DDX56: variants seen among roughly 807,000 people sequenced by gnomAD.
DDX56 encodes the protein probable ATP-dependent RNA helicase DDX56.
A neutral mutation model predicts 61.5 loss-of-function variants in DDX56; 45 were observed. The ratio of observed to expected loss-of-function variants is 0.73; its 90% CI spans 0.58 to 0.94. DDX56 has a LOEUF of 0.94. Among genes scored for constraint, DDX56 ranks in the 40% least tolerant of loss-of-function variants. The pLI is 0.00. For missense variants in DDX56, 708 were observed against 690.7 expected (o/e 1.02, Z -0.28); for synonymous variants, 273 against 268.3 (o/e 1.02, Z -0.17).
intron 13 of DDX56, 40 bp downstream of exon 13, chr7:44,566,408 G>C (rs756657696): frequency 2.6e-5 from 38 of 1,483,260 alleles, no homozygotes; most frequent in Non-Finnish European, 9.2e-7. Context: ...AGCAGGTTGG[G>C]AGGAGTCCTG....
intron 6 of DDX56, among the ~76,000 whole-genome samples, chr7:44,571,103 A>G (rs986390044): frequency 4.6e-5 from 7 of 152,208 alleles, no homozygotes; most frequent in Non-Finnish European, 1.0e-4. Context: ...CAATGGCACG[A>G]TCTTGGCTCA....
intron 9 of DDX56, 87 bp from the exon 10 acceptor site, chr7:44,569,290 G>C (rs1175304027): frequency 7.6e-7 from 1 of 1,324,142 alleles, no homozygotes; most frequent in Non-Finnish European, 1.1e-6. Context: ...TCCCCCTTGG[G>C]GGAAAGCAGC....
chr7:44,568,041 A>T, intron 12 of DDX56, 77 bp downstream of exon 12: 1 of 1,183,768 alleles, frequency 8.4e-7, no homozygotes. Context: ...CACCAAGCAC[A>T]GGGGCTGACC....
intron 5 of DDX56, 128 bp downstream of exon 5, chr7:44,572,219 G>A (rs1277364653): frequency 2.7e-6 from 2 of 727,334 alleles, no homozygotes; most frequent in Non-Finnish European, 4.7e-6. Context: ...AGTGCCTCAG[G>A]ACCAGGGATG....
chr7:44,566,218 G>C (rs1225438083), intron 13 of DDX56, 139 bp from the exon 14 acceptor site: 1 of 675,160 alleles, frequency 1.5e-6, no homozygotes, highest in Non-Finnish European at 2.5e-6. Context: ...TGCAGATAAG[G>C]AAATGGGGAA....
chr7:44,573,242 A>G (rs1263275031), intron 2 of DDX56, among the ~76,000 whole-genome samples, 192 bp from the exon 3 acceptor site: 1 of 152,248 alleles, frequency 6.6e-6, no homozygotes, highest in Non-Finnish European at 1.5e-5. Context: ...CAAAAAGAAT[A>G]ACGTACTCTG....
chr7:44,570,624 G>T, intron 7 of DDX56, 134 bp downstream of exon 7: 1 of 1,209,242 alleles, frequency 8.3e-7, no homozygotes, highest in Non-Finnish European at 1.1e-6. Flanking sequence ...GAACCTGTGG[G>T]GCTCTCTGGG....
rs1474497320 is a variant in DDX56, at chr7:44,573,052, T to G, written c.223-2A>C. On this transcript the variant is annotated splice_acceptor_variant, in intron 2 of 13. Transcript: ENST00000258772. LOFTEE classifies it high-confidence loss of function. ...TGCCTGTTCTACCACCGGACCTGTC[T>G]GTAAGAATATGAATTAAAGACTTTA... 1 of 1,563,328 alleles carries G rather than the reference T, an allele frequency of 6.4e-7. No homozygotes were observed. Among genetic ancestry groups the G allele is most frequent in the South Asian group, 1.2e-5 (1 of 83,326 alleles).
chr7:44,568,965 C>A lies in DDX56; in HGVS notation c.1321G>T (p.Ala441Ser), dbSNP rs1802605773. 6.2e-7 allele frequency: 1 copy of A among 1,614,164 alleles called. No homozygotes were observed. The highest frequency in any genetic ancestry group is 2.2e-5 in the East Asian group (1 of 44,852). ...TCCTTCAATCTTGCCTCCCGAATGGCCTGCTTAGTCACTGAGCGCATGGCA... is the reference window on the plus strand; with the variant it reads ...TCCTTCAATCTTGCCTCCCGAATGGACTGCTTAGTCACTGAGCGCATGGCA... Reference protein sequence around the residue: ...RDAMRSVTKQAIREARLKEIK... With the variant: ...RDAMRSVTKQSIREARLKEIK... Residue 441 changes from alanine to serine, a missense_variant, in exon 11 of 14, where the codon GCC (alanine) becomes TCC (serine). Physicochemically the swap from Ala to Ser is moderately conservative, Grantham distance 99 (BLOSUM62 1). Transcript: ENST00000258772.
At chr7:44,567,177 C>T (rs1562582828) in intron 12 of DDX56, among the ~76,000 whole-genome samples, 1 of 151,996 alleles carries the variant, frequency 6.6e-6, no homozygotes, top group Admixed American at 6.6e-5. Flanking sequence ...CATGGGAACC[C>T]GGCCCCCACC....
At chr7:44,571,304 G>T (rs1043228310) in intron 6 of DDX56, among the ~76,000 whole-genome samples, 188 bp downstream of exon 6, 3 of 152,198 alleles carry the variant, frequency 2.0e-5, no homozygotes, top group African/African-American at 7.2e-5. Flanking sequence ...CTCCCAAAGT[G>T]CTGAGATTAC....
intron 13 of DDX56, 132 bp downstream of exon 13, chr7:44,566,316 G>A: frequency 1.1e-6 from 1 of 900,018 alleles, no homozygotes; most frequent in Non-Finnish European, 1.8e-6. Context: ...CGGTTCTAGG[G>A]TGCCCCCTCT....
At position 44,569,894 on chromosome 7, in the gene DDX56, G is replaced by A. The variant is rs151083458; in HGVS notation, c.1134C>T (p.Arg378=). The change falls in exon 9 of 14, where the codon CGC becomes CGT. Residue 378 remains arginine (R), a synonymous_variant. Coordinates refer to ENST00000258772, the MANE Select transcript of DDX56 (RefSeq NM_019082.4). The stretch of plus-strand genomic sequence containing the variant: ...TTAAGACTATGCCTGGGTTGTTAGC[G>A]CGTGCTGTCCTGCAAGGGAAGACAG... ...AYIHRAGRTA[R]ANNPGIVLTF... 19 of 1,611,118 alleles carry A rather than the reference G, an allele frequency of 1.2e-5. No homozygotes were observed. The highest frequency in any genetic ancestry group is 8.0e-5 in the African/African-American group (6 of 75,004).
Position 44,567,465 on chromosome 7 carries a change from T to G in DDX56, c.1489+653A>C, listed in dbSNP as rs531154643. Among the ~76,000 whole-genome samples the G allele has an allele frequency of 7.9e-5, 12 of 152,266 alleles. 1 individual carries two copies. The South Asian group carries it at 2.5e-3, about 32-fold the overall frequency. ...TACTCATTACCAAAAACACCTCCTA[T>G]GAGACACTGAAAGAAGTCATTACCC... On this transcript the variant is annotated intron_variant, in intron 12 of 13. Coordinates refer to ENST00000258772, the MANE Select transcript of DDX56 (RefSeq NM_019082.4).
intron 5 of DDX56, among the ~76,000 whole-genome samples, 169 bp from the exon 6 acceptor site, chr7:44,571,905 C>T (rs905307161): frequency 2.0e-5 from 3 of 152,174 alleles, no homozygotes; most frequent in Admixed American, 6.5e-5. Flanking sequence ...CCAAAATGCC[C>T]TTATTGTTGT....
intron 12 of DDX56, 146 bp downstream of exon 12, chr7:44,567,972 G>A (rs985407994): frequency 2.9e-6 from 2 of 693,092 alleles, no homozygotes; most frequent in Non-Finnish European, 5.2e-6. Flanking sequence ...GGGTGTGCCT[G>A]TTTACATGCC....
intron 1 of DDX56, 24 bp downstream of exon 1, chr7:44,573,812 C>T: frequency 6.2e-7 from 1 of 1,613,348 alleles, no homozygotes; most frequent in African/African-American, 1.3e-5. Context: ...GCCCGTAAGC[C>T]GGCTCCCCAG....
chr7:44,568,414 T>C (rs1344809197), intron 11 of DDX56, among the ~76,000 whole-genome samples, 191 bp from the exon 12 acceptor site: 1 of 152,156 alleles, frequency 6.6e-6, no homozygotes, highest in Non-Finnish European at 1.5e-5. Context: ...GGCAGTACCC[T>C]GTACCCCTTT....
chr7:44,568,995 G>A lies in DDX56; in HGVS notation c.1294-3C>T, dbSNP rs1369158356. The A allele has an allele frequency of 3.1e-6, 5 of 1,613,790 alleles. No homozygotes were observed. The highest frequency in any genetic ancestry group is 1.7e-5 in the Admixed American group (1 of 60,002). On this transcript the variant is annotated splice_polypyrimidine_tract_variant and splice_region_variant and intron_variant, in intron 10 of 13. Coordinates refer to ENST00000258772, the MANE Select transcript of DDX56 (RefSeq NM_019082.4). Reference sequence around the variant, plus strand: ...TTAGTCACTGAGCGCATGGCATCCTGGGGGTGGACACTGAAGGTCAAGACA... The same window carrying A: ...TTAGTCACTGAGCGCATGGCATCCTAGGGGTGGACACTGAAGGTCAAGACA...
Sources: gnomAD v4.1 joint callset for allele counts (sites outside exome capture counted in the v4.1 genomes callset) on GRCh38, gnomAD v4.1.1 for gene constraint, MANE v1.5 for transcripts, NCBI Gene and HGNC (gene_info 2026-07-23, HGNC 2026-07-21) for gene names.